ZFP62: variants seen among roughly 807,000 people sequenced by gnomAD.
ZFP62 encodes the protein zinc finger protein 62 homolog.
ZFP62 carries 44 observed loss-of-function variants against 56.4 expected under a neutral mutation model. The observed-to-expected ratio is 0.78, with a 90% CI of 0.61 to 1.00. ZFP62 has a LOEUF of 1.00. Ranked by LOEUF, ZFP62 falls within the 50% of genes least tolerant of loss-of-function variation. The pLI is 0.00. For missense variants in ZFP62, 1,030 were observed against 1,085.7 expected, an observed-to-expected ratio of 0.95 and a Z score of 0.72; for synonymous variants, 421 against 388.9, an observed-to-expected ratio of 1.08 and a Z score of -0.97.
rs375632759 is a variant in ZFP62, at chr5:180,853,150, G to C, written c.2-1657C>G. On this transcript the variant is annotated intron_variant, in intron 1 of 1. Transcript: ENST00000502412. ...AGAGTGACTCATTATAGCATTAATT[G>C]TAACTGCAAAATCTGGAAACCTACA... Among the ~76,000 whole-genome samples, 6 of 152,322 alleles carry C rather than the reference G, an allele frequency of 3.9e-5. No individual in the cohort carries two copies. The East Asian group carries it at 1.2e-3, about 29-fold the overall frequency.
In ZFP62 at chr5:180,851,408, T is replaced by C; in HGVS notation, c.87A>G (p.Lys29=). ...TAGATTCAGGCATAGGATCCTCCAC[T>C]TTTGGCCACTTAGATGCTGCATTTC... ...NVGNAASKWP[K]VEDPMPESKV... The change falls in exon 2 of 2, where the codon AAA becomes AAG. Residue 29 remains lysine (K), a synonymous_variant. Transcript: ENST00000502412. The C allele has an allele frequency of 6.4e-7, 1 of 1,551,638 alleles. No homozygotes were observed. The highest frequency in any genetic ancestry group is 8.7e-7 in the Non-Finnish European group (1 of 1,146,962).
chr5:180,829,456 C>T, the ZFP62 span, among the ~76,000 whole-genome samples: 4 of 152,212 alleles, frequency 2.6e-5, no homozygotes. Context: ...GCATCACGGT[C>T]CTACCAATAT....
chr5:180,831,031 T>C, the ZFP62 span: 1 of 152,540 alleles, frequency 6.6e-6, no homozygotes, highest in Middle Eastern at 3.2e-3. Flanking sequence ...AGAGTTCTTT[T>C]GACAGCCGTG....
Position 180,850,503 on chromosome 5 carries a change from TG to T in ZFP62, c.991del (p.His331ThrfsTer51). ...ACATTTATAGGGTTTATCTCCAAAG[TG>T]GATGCTTTTATGGTTGAGAAGTGTT... ...CRTLLNHKSI[H>X]FGDKPYKCDE... On this transcript the variant is annotated frameshift_variant, in exon 2 of 2. Coordinates refer to ENST00000502412, the MANE Select transcript of ZFP62 (RefSeq NM_001172638.2). LOFTEE classifies it high-confidence loss of function. 1 of 1,552,804 alleles carries T rather than the reference TG, an allele frequency of 6.4e-7. No homozygotes were observed. Among genetic ancestry groups the T allele is most frequent in the Non-Finnish European group, 8.7e-7 (1 of 1,147,552 alleles).
the ZFP62 span, chr5:180,834,408 C>T: frequency 6.6e-6 from 1 of 152,414 alleles, no homozygotes; most frequent in African/African-American, 2.4e-5. Flanking sequence ...TGGTGGGGAC[C>T]AAGTTTCTAA....
At chr5:180,851,916 AC>A (rs1174714781) in intron 1 of ZFP62, 1 of 702,658 alleles carries the variant, frequency 1.4e-6, no homozygotes, top group Non-Finnish European at 1.8e-6. Flanking sequence ...GTTAGGTAAA[AC>A]TTTTTTTTAT....
At chr5:180,845,423 T>A (rs147373920), downstream of ZFP62, among the ~76,000 whole-genome samples, 831 of 143,056 alleles carry the variant, frequency 5.8e-3, 9 homozygotes, top group African/African-American at 0.019. Context: ...TAAGTGAAAG[T>A]CCTTATTTGA....
At chr5:180,859,752 G>A (rs1158776267) in intron 1 of ZFP62, among the ~76,000 whole-genome samples, 4 of 152,214 alleles carry the variant, frequency 2.6e-5, no homozygotes, top group Admixed American at 6.5e-5. Flanking sequence ...TCTCAGAAGG[G>A]AAGAACTACT....
chr5:180,831,637 G>C, the ZFP62 span: 1 of 152,610 alleles, frequency 6.6e-6, no homozygotes, highest in Non-Finnish European at 1.5e-5. Flanking sequence ...GCGGGGCCTG[G>C]CCGAGCTGCG....
At position 180,851,285 on chromosome 5, in the gene ZFP62, T is replaced by G; in HGVS notation, c.210A>C (p.Glu70Asp). The G allele has an allele frequency of 1.3e-6, 2 of 1,551,720 alleles. No homozygotes were observed. The highest frequency in any genetic ancestry group is 1.7e-6 in the Non-Finnish European group (2 of 1,146,992). Residue 70 changes from glutamate to aspartate, a missense_variant, in exon 2 of 2, where the codon GAA becomes GAC. Transcript: ENST00000502412. ...RMKEDKSSIR[E>D]AISKAKSTAN... is the part of the protein sequence containing the mutation. Reference sequence around the variant, plus strand: ...CTGTACTCTTGGCTTTGCTGATTGCTTCCCTGATGCTGCTTTTGTCCTCCT... The same window carrying G: ...CTGTACTCTTGGCTTTGCTGATTGCGTCCCTGATGCTGCTTTTGTCCTCCT...
At chr5:180,843,808 A>T (rs1026997096), downstream of ZFP62, among the ~76,000 whole-genome samples, 4 of 152,248 alleles carry the variant, frequency 2.6e-5, no homozygotes, top group Non-Finnish European at 5.9e-5. Context: ...CATCTGCAGA[A>T]CATGCATTCT....
chr5:180,847,408 C>T (rs1773442404), downstream of ZFP62, among the ~76,000 whole-genome samples: 1 of 152,236 alleles, frequency 6.6e-6, no homozygotes, highest in Admixed American at 6.5e-5. Context: ...ACGACGATCA[C>T]ATGGCTCCAC....
chr5:180,855,816 G>A (rs1249173488), intron 1 of ZFP62, among the ~76,000 whole-genome samples: 1 of 152,092 alleles, frequency 6.6e-6, no homozygotes, highest in African/African-American at 2.4e-5. Context: ...GACTGCCATC[G>A]TTTCTAGACC....
chr5:180,829,098 G>C, the ZFP62 span, among the ~76,000 whole-genome samples: 1 of 152,232 alleles, frequency 6.6e-6, no homozygotes, highest in African/African-American at 2.4e-5. Flanking sequence ...TGTTTATCAA[G>C]ACACTACGTG....
chr5:180,837,978 A>G, the ZFP62 span, among the ~76,000 whole-genome samples: 2 of 152,198 alleles, frequency 1.3e-5, no homozygotes, highest in Non-Finnish European at 2.9e-5. Context: ...ACATTTGCCA[A>G]TGCACTTGAT....
At chr5:180,831,638 C>T in the ZFP62 span, 1 of 152,730 alleles carries the variant, frequency 6.5e-6, no homozygotes, top group Non-Finnish European at 1.5e-5. Flanking sequence ...CGGGGCCTGG[C>T]CGAGCTGCGC....
the ZFP62 span, chr5:180,830,819 C>T: frequency 6.9e-6 from 1 of 145,728 alleles, no homozygotes; most frequent in Non-Finnish European, 1.6e-5. Context: ...TCAACTTCCA[C>T]CTGCGCAGAG....
downstream of ZFP62, among the ~76,000 whole-genome samples, chr5:180,846,769 A>G (rs1277315047): frequency 6.6e-6 from 1 of 152,110 alleles, no homozygotes; most frequent in Non-Finnish European, 1.5e-5. Context: ...ATCCTCATCT[A>G]CCAGAATCTA....
chr5:180,831,713 TCCGC>T, the ZFP62 span: 1 of 152,708 alleles, frequency 6.5e-6, no homozygotes, highest in East Asian at 1.9e-4. Flanking sequence ...ATTCCCGACC[TCCGC>T]ACCCTACCCG....
Sources: gnomAD v4.1 joint callset for allele counts (sites outside exome capture counted in the v4.1 genomes callset) on GRCh38, gnomAD v4.1.1 for gene constraint, MANE v1.5 for transcripts, NCBI Gene and HGNC (gene_info 2026-07-23, HGNC 2026-07-21) for gene names.